Variants in SLCO3A1 observed in about 807,000 individuals in gnomAD.
The protein encoded by SLCO3A1 is solute carrier organic anion transporter family member 3A1.
Under a neutral mutation model 63.1 loss-of-function variants are expected in SLCO3A1, and 27 were observed. The ratio of observed to expected loss-of-function variants is 0.43; its 90% CI spans 0.32 to 0.59. The LOEUF is 0.59. Ranked by LOEUF, SLCO3A1 falls within the 20% of genes least tolerant of loss-of-function variation. The pLI, the probability that SLCO3A1 is intolerant of heterozygous loss-of-function variation, is 0.09. For missense variants in SLCO3A1, 773 were observed against 945.8 expected (o/e 0.82, Z 2.40); for synonymous variants, 473 against 409.9 (o/e 1.15, Z -1.86).
At chr15:91,892,093 C>A (rs191036438) in intron 1 of SLCO3A1, among the ~76,000 whole-genome samples, 41 of 152,302 alleles carry the variant, frequency 2.7e-4, no homozygotes, top group Non-Finnish European at 2.9e-5. Flanking sequence ...CAGCTTTGCC[C>A]TTTTGACACT....
intron 1 of SLCO3A1, among the ~76,000 whole-genome samples, chr15:91,864,853 A>G (rs1432090494): frequency 6.6e-6 from 1 of 152,084 alleles, no homozygotes; most frequent in Non-Finnish European, 1.5e-5. Context: ...CCGCTCTGTC[A>G]CGTCCTGGTT....
At chr15:92,158,226 T>G (rs890982450) in intron 9 of SLCO3A1, among the ~76,000 whole-genome samples, 2 of 152,176 alleles carry the variant, frequency 1.3e-5, no homozygotes, top group Admixed American at 1.3e-4. Context: ...CCTGTGTGTT[T>G]CACCCTCTGC....
rs746314978 is a variant in SLCO3A1 at position 91,916,236 on chromosome 15, T to A, written c.424T>A (p.Trp142Arg). 6.4e-7 allele frequency: 1 copy of A among 1,570,254 alleles called. No homozygotes were observed. Among genetic ancestry groups the A allele is most frequent in the Non-Finnish European group, 8.6e-7 (1 of 1,159,096 alleles). Residue 142 changes from tryptophan (W) to arginine (R), a missense_variant, in exon 2 of 10, where the codon TGG becomes AGG. Coordinates refer to ENST00000318445, the MANE Select transcript of SLCO3A1 (RefSeq NM_013272.4). This position sits in a 1 kb window ranked among gnomAD's most constrained non-coding sequence, Gnocchi z 6.2. The stretch of plus-strand genomic sequence containing the variant: ...CAAGTACGAGGCGGGCGAGATCCGC[T>A]GGGGCGCCGAGGGCCGCGACGTCTG... ...QYKYEAGEIRWGAEGRDVCAA... is the reference protein window; with the variant it reads ...QYKYEAGEIRRGAEGRDVCAA...
chr15:91,872,691 T>G lies in SLCO3A1; in HGVS notation c.180+18603T>G, dbSNP rs1224522025. ...AAAAATTCGCAGCTGAATGCTTCAG[T>G]GTCTTGAGTGTGTTGATATTATTTT... On this transcript the variant is annotated intron_variant, in intron 1 of 9. Coordinates refer to ENST00000318445, the MANE Select transcript of SLCO3A1 (RefSeq NM_013272.4). The surrounding 1 kb of genome is among the most constrained non-coding windows in gnomAD (Gnocchi z 4.1). 6.6e-6 allele frequency among the ~76,000 whole-genome samples: 1 copy of G among 152,204 alleles called. No individual in the cohort carries two copies. Among genetic ancestry groups the G allele is most frequent in the Admixed American group, 6.5e-5 (1 of 15,288 alleles).
chr15:92,127,040 G>C (rs2047932839), intron 6 of SLCO3A1, among the ~76,000 whole-genome samples: 1 of 152,214 alleles, frequency 6.6e-6, no homozygotes. Context: ...TGGAGCCAGG[G>C]CTTCTCTGCC....
chr15:92,128,414 C>A lies in SLCO3A1; in HGVS notation c.1437C>A (p.Thr479=). ...GCAATAATAACTGTGAATGCCAAAC[C>A]GATTCCTTCACTCCAGTGTGTGGGG... ...SPCNNNCECQ[T]DSFTPVCGAD... is the part of the protein sequence containing the mutation. Residue 479 remains threonine, a synonymous_variant, in exon 7 of 10, where the codon ACC becomes ACA. Transcript: ENST00000318445. 3 of 1,614,116 alleles carry A rather than the reference C, an allele frequency of 1.9e-6. No homozygotes were observed. The highest frequency in any genetic ancestry group is 2.5e-6 in the Non-Finnish European group (3 of 1,180,004).
chr15:92,051,701 G>A lies in SLCO3A1; in HGVS notation c.647-43180G>A, dbSNP rs527539819. Reference sequence around the variant, plus strand: ...CTACGTGACCGTCTTGTGTGTGCTAGGTTCGTGCTTGTATCTGAGAGATGA... The same window carrying A: ...CTACGTGACCGTCTTGTGTGTGCTAAGTTCGTGCTTGTATCTGAGAGATGA... On this transcript the variant is annotated intron_variant, in intron 2 of 9. Coordinates refer to ENST00000318445, the MANE Select transcript of SLCO3A1 (RefSeq NM_013272.4). Among the ~76,000 whole-genome samples, 11 of 152,238 alleles carry A rather than the reference G, an allele frequency of 7.2e-5. 1 individual carries two copies. In the South Asian group the frequency reaches 2.3e-3, roughly 32 times the overall value.
intron 1 of SLCO3A1, among the ~76,000 whole-genome samples, chr15:91,891,288 TACCTTGGCTGAAGACAGCC>T (rs1248888838): frequency 6.6e-6 from 1 of 152,194 alleles, no homozygotes; most frequent in Non-Finnish European, 1.5e-5. Flanking sequence ...CATTTAGGAC[TACCTTGGCTGAAGACAGCC>T]ACCTTGTCTG....
intron 2 of SLCO3A1, among the ~76,000 whole-genome samples, chr15:92,055,673 A>C (rs890641190): frequency 6.6e-6 from 1 of 152,208 alleles, no homozygotes; most frequent in South Asian, 2.1e-4. Context: ...CAAGAGAAAG[A>C]CTGGGCCACA....
At chr15:92,006,255 C>T (rs530827192) in intron 2 of SLCO3A1, among the ~76,000 whole-genome samples, 4 of 152,150 alleles carry the variant, frequency 2.6e-5, no homozygotes, top group Non-Finnish European at 5.9e-5. Context: ...AGGGCCTGTT[C>T]GCCATCCTGG....
chr15:91,908,500 A>C lies in SLCO3A1; in HGVS notation c.181-7493A>C, dbSNP rs1471747900. The stretch of plus-strand genomic sequence containing the variant: ...GTCGTCTTCTGTTACTTGGTTCTGC[A>C]GATCTAGGATCCTGGAATTCACAAG... On this transcript the variant is annotated intron_variant, in intron 1 of 9. Transcript: ENST00000318445. The C allele has an allele frequency of 2.0e-5, 3 of 152,190 alleles. No homozygotes were observed. The East Asian group carries it at 5.8e-4, about 29-fold the overall frequency. 9.4% of individuals were successfully genotyped at this position (152,190 alleles called of 1,614,324 possible).
chr15:91,854,423 T>G lies in SLCO3A1; in HGVS notation c.180+335T>G. 3.9e-6 allele frequency: 4 copies of G among 1,013,544 alleles called. No individual in the cohort carries two copies. Among genetic ancestry groups the G allele is most frequent in the Non-Finnish European group, 4.7e-6 (4 of 844,218 alleles). The allele number at this position is 1,013,544 out of a possible 1,614,324, so 62.8% of individuals were successfully genotyped here. ...GCGGAGCGAGACGGTGAGTTCAGGG[T>G]TCTCCTTGGAGAGGAACGAAAAAGC... On this transcript the variant is annotated intron_variant, in intron 1 of 9. Transcript: ENST00000318445. The surrounding 1 kb of genome is among the most constrained non-coding windows in gnomAD (Gnocchi z 6.4).
chr15:92,007,510 G>T (rs745867585), intron 2 of SLCO3A1, among the ~76,000 whole-genome samples: 7 of 152,214 alleles, frequency 4.6e-5, no homozygotes, highest in Non-Finnish European at 7.3e-5. Flanking sequence ...ACTGAATAGG[G>T]ATAGTGTGGA....
chr15:92,022,922 G>T (rs2046528265), intron 2 of SLCO3A1, among the ~76,000 whole-genome samples: 1 of 152,080 alleles, frequency 6.6e-6, no homozygotes, highest in Admixed American at 6.5e-5. Context: ...GAAGCCTGCA[G>T]TGCTACCTGC....
chr15:92,010,687 G>T (rs1000768417), intron 2 of SLCO3A1, among the ~76,000 whole-genome samples: 1 of 151,980 alleles, frequency 6.6e-6, no homozygotes, highest in African/African-American at 2.4e-5. Context: ...TCAAATGTTC[G>T]GCTGGACTTA....
intron 2 of SLCO3A1, among the ~76,000 whole-genome samples, chr15:91,963,341 T>A (rs752870570): frequency 7.1e-5 from 10 of 140,338 alleles, no homozygotes; most frequent in Admixed American, 8.1e-5. Flanking sequence ...GAGGCTACCC[T>A]GTTCAGCTGT....
At position 91,985,099 on chromosome 15, in the gene SLCO3A1, C is replaced by T. The variant is rs149094891; in HGVS notation, c.646+68641C>T. On this transcript the variant is annotated intron_variant, in intron 2 of 9. Transcript: ENST00000318445. ...GATAGAACATTCCCAAAGCCCCCAT[C>T]GTGGCTCTCCAAGTCACTCCCACCC... Among the ~76,000 whole-genome samples the T allele has an allele frequency of 1.5e-4, 23 of 152,324 alleles. No homozygotes were observed. In the East Asian group the frequency reaches 3.3e-3, roughly 22 times the overall value.
At chr15:91,933,414 G>A (rs1450527816) in intron 2 of SLCO3A1, among the ~76,000 whole-genome samples, 3 of 151,662 alleles carry the variant, frequency 2.0e-5, no homozygotes, top group Non-Finnish European at 2.9e-5. Context: ...CTTTGTTTTT[G>A]GATTTTATCT....
In SLCO3A1 at chr15:91,997,297, C is replaced by T. The variant is rs189905438; in HGVS notation, c.646+80839C>T. ...CAAAATACCCAGGAATGCCTCTAAC[C>T]GTGGAGGTGAAAGATCTCTAGAAGG... On this transcript the variant is annotated intron_variant, in intron 2 of 9. Transcript: ENST00000318445. Among the ~76,000 whole-genome samples, 10 of 152,278 alleles carry T rather than the reference C, an allele frequency of 6.6e-5. No individual in the cohort carries two copies. The East Asian group carries it at 1.2e-3, about 18-fold the overall frequency.
Sources: allele counts gnomAD v4.1 joint callset (sites outside exome capture counted in the v4.1 genomes callset), GRCh38; gene constraint gnomAD v4.1.1; non-coding constraint Gnocchi (gnomAD v3.1); transcripts MANE v1.5; gene names NCBI Gene and HGNC (gene_info 2026-07-23, HGNC 2026-07-21).